TASOR: variants seen among roughly 807,000 people sequenced by gnomAD.
The protein encoded by TASOR is transcription activation suppressor, also known as protein TASOR.
Under a neutral mutation model 178.6 loss-of-function variants are expected in TASOR, and 53 were observed. The observed-to-expected ratio is 0.30, with a 90% CI of 0.24 to 0.37. TASOR has a LOEUF of 0.37. TASOR is among the 10% of genes least tolerant of loss of function. The pLI is 1.00. For synonymous variants in TASOR, 713 were observed against 696.2 expected, an observed-to-expected ratio of 1.02 and a Z score of -0.38; for missense variants, 1,815 against 1,971.4, an observed-to-expected ratio of 0.92 and a Z score of 1.50.
intron 17 of TASOR, 117 bp downstream of exon 17, chr3:56,638,589 A>G: frequency 1.1e-6 from 1 of 943,038 alleles, no homozygotes; most frequent in East Asian, 2.5e-5. Context: ...GGTACTGTCC[A>G]AATTTTCTGT....
At position 56,633,459 on chromosome 3, in the gene TASOR, A is replaced by C; in HGVS notation, c.3332T>G (p.Ile1111Arg). Residue 1111 changes from isoleucine to arginine, a missense_variant, in exon 18 of 24, where the codon ATA becomes AGA. Physicochemically the swap from Ile to Arg is moderately conservative, Grantham distance 97. Coordinates refer to ENST00000683822, the MANE Select transcript of TASOR (RefSeq NM_001365635.2). ...ATGCCTTTCCAGAGGATTCGATGCT[A>C]TCTTAGCACCAGAATCGTTAGGACT... ...PVSPNDSGAK[I>R]ASNPLERHVI... 6.2e-7 allele frequency: 1 copy of C among 1,614,186 alleles called. No individual in the cohort carries two copies. The highest frequency in any genetic ancestry group is 8.5e-7 in the Non-Finnish European group (1 of 1,180,022).
At position 56,641,772 on chromosome 3, in the gene TASOR, T is replaced by G; in HGVS notation, c.2216-20A>C. On this transcript the variant is annotated intron_variant, in intron 14 of 23. Transcript: ENST00000683822. ...GAGACTCTGAGAAAAAGGAAGTCATTGGTTGAAGTTAAGTTTAAAAGCAAG... is the reference window on the plus strand; with the variant it reads ...GAGACTCTGAGAAAAAGGAAGTCATGGGTTGAAGTTAAGTTTAAAAGCAAG... 6.4e-7 allele frequency: 1 copy of G among 1,572,458 alleles called. No homozygotes were observed. The highest frequency in any genetic ancestry group is 8.6e-7 in the Non-Finnish European group (1 of 1,158,272).
Position 56,627,621 on chromosome 3 carries a change from A to G in TASOR, c.3991T>C (p.Ser1331Pro), listed in dbSNP as rs1211365635. Residue 1331 changes from serine to proline, a missense_variant, in exon 20 of 24, where the codon TCT becomes CCT. Ser to Pro is a moderately conservative substitution (Grantham distance 74). This residue lies in a region of TASOR where 134 missense variants were observed against 195.2 expected (regional missense o/e 0.69). Transcript: ENST00000683822. Reference protein sequence around the residue: ...ELFVSGGFIVSDESILNPEVV... With the variant: ...ELFVSGGFIVPDESILNPEVV... The stretch of plus-strand genomic sequence containing the variant: ...TCTGGGTTTAGAATTGATTCATCAG[A>G]TACGATAAAACCTCCAGATACAAAT... 6 of 1,614,012 alleles carry G rather than the reference A, an allele frequency of 3.7e-6. No individual in the cohort carries two copies. In the Admixed American group the frequency reaches 5.0e-5, roughly 13 times the overall value.
chr3:56,645,577 T>C (rs17288866), intron 14 of TASOR, among the ~76,000 whole-genome samples: 7,470 of 152,274 alleles, frequency 0.049, 192 homozygotes, highest in East Asian at 0.091. Flanking sequence ...TGTGAAGATC[T>C]TAAAAATCTA....
chr3:56,630,861 T>C (rs925554397), intron 18 of TASOR, among the ~76,000 whole-genome samples: 3 of 144,324 alleles, frequency 2.1e-5, no homozygotes, highest in Middle Eastern at 7.6e-3. Context: ...ATAAATAAAT[T>C]TTTTAAAATG....
chr3:56,683,058 G>T lies in TASOR; in HGVS notation c.-52C>A, dbSNP rs1457048650. ...GCTTCTGCCCACAAGGTCGACGGGTGTGGGGGGAAGGGGCGGCGGGCCAGT... is the reference window on the plus strand; with the variant it reads ...GCTTCTGCCCACAAGGTCGACGGGTTTGGGGGGAAGGGGCGGCGGGCCAGT... On this transcript the variant is annotated 5_prime_UTR_variant, in exon 1 of 24. Transcript: ENST00000683822. 1 of 1,446,208 alleles carries T rather than the reference G, an allele frequency of 6.9e-7. No homozygotes were observed. Among genetic ancestry groups the T allele is most frequent in the Non-Finnish European group, 9.1e-7 (1 of 1,097,084 alleles). 89.6% of individuals were successfully genotyped at this position (1,446,208 alleles called of 1,614,324 possible). A position where few individuals can be genotyped will look rare whatever the true frequency, so the allele number is the denominator to read the frequency against.
intron 1 of TASOR, 85 bp downstream of exon 1, chr3:56,682,591 G>A: frequency 2.5e-6 from 3 of 1,182,818 alleles, no homozygotes; most frequent in Middle Eastern, 2.4e-4. Flanking sequence ...TATCTCGGAT[G>A]GGTGTGGGAA....
At chr3:56,626,130 A>G (rs1426846464) in intron 21 of TASOR, among the ~76,000 whole-genome samples, 2 of 152,220 alleles carry the variant, frequency 1.3e-5, no homozygotes. Flanking sequence ...TCTTTTAACT[A>G]GAGTTCTTCA....
rs1038309649 is a variant in TASOR, at chr3:56,620,625, C to G, written c.*2412G>C. On this transcript the variant is annotated 3_prime_UTR_variant, in exon 24 of 24. Coordinates refer to ENST00000683822, the MANE Select transcript of TASOR (RefSeq NM_001365635.2). ...CTACAGAACTAGAAAATTGTCCCCC[C>G]ACTTTGGTCTATTTACTCATTTGAA... is the stretch of plus-strand genomic sequence containing the variant. The G allele has an allele frequency of 2.0e-5, 3 of 152,204 alleles. No homozygotes were observed. Among genetic ancestry groups the G allele is most frequent in the Non-Finnish European group, 2.9e-5 (2 of 68,042 alleles). 9.4% of individuals were successfully genotyped at this position (152,204 alleles called of 1,614,324 possible). A position where few individuals can be genotyped will look rare whatever the true frequency, so the allele number is the denominator to read the frequency against.
intron 13 of TASOR, 29 bp from the exon 14 acceptor site, chr3:56,647,252 C>A (rs1026899393): frequency 6.7e-7 from 1 of 1,488,972 alleles, no homozygotes; most frequent in East Asian, 2.3e-5. Context: ...AACAAAAAAG[C>A]AAACCATGTT....
chr3:56,672,041 C>T (rs2030789106), intron 2 of TASOR, among the ~76,000 whole-genome samples: 1 of 152,118 alleles, frequency 6.6e-6, no homozygotes, highest in Non-Finnish European at 1.5e-5. Flanking sequence ...AATAAATCTG[C>T]TGAATGACCA....
Position 56,621,976 on chromosome 3 carries a change from A to G in TASOR, c.*1061T>C, listed in dbSNP as rs2076685601. The G allele has an allele frequency of 6.4e-6, 1 of 156,100 alleles. No homozygotes were observed. Among genetic ancestry groups the G allele is most frequent in the South Asian group, 1.9e-4 (1 of 5,134 alleles). 9.7% of individuals were successfully genotyped at this position (156,100 alleles called of 1,614,324 possible). On this transcript the variant is annotated 3_prime_UTR_variant, in exon 24 of 24. Coordinates refer to ENST00000683822, the MANE Select transcript of TASOR (RefSeq NM_001365635.2). ...TATGTAACTTAGGAACTGAAATACC[A>G]CTCATGCATTTGTTCTAAAGTGCCA...
chr3:56,621,462 C>A lies in TASOR; in HGVS notation c.*1575G>T. ...ATATGTTTTCCAAGTGAATATAATT[C>A]TAGTTTAACACAACATTGCAAGTCA... On this transcript the variant is annotated 3_prime_UTR_variant, in exon 24 of 24. Transcript: ENST00000683822. 1 of 1,025,412 alleles carries A rather than the reference C, an allele frequency of 9.8e-7. No homozygotes were observed. The highest frequency in any genetic ancestry group is 1.6e-5 in the African/African-American group (1 of 61,648). The allele number at this position is 1,025,412 out of a possible 1,614,324, so 63.5% of individuals were successfully genotyped here. A position where few individuals can be genotyped will look rare whatever the true frequency, so the allele number is the denominator to read the frequency against.
chr3:56,668,451 CTTT>C lies in TASOR; in HGVS notation c.840_842del (p.Lys281del). On this transcript the variant is annotated inframe_deletion, in exon 6 of 24. Transcript: ENST00000683822. The stretch of plus-strand genomic sequence containing the variant: ...AAAGTGATGTAATTCGATTGGCATT[CTTT>C]GACACGTGACATTCATGCTTTGGTG... The C allele has an allele frequency of 6.4e-7, 1 of 1,551,666 alleles. No individual in the cohort carries two copies. Among genetic ancestry groups the C allele is most frequent in the Non-Finnish European group, 8.7e-7 (1 of 1,146,986 alleles).
intron 16 of TASOR, 61 bp from the exon 17 acceptor site, chr3:56,638,826 T>C: frequency 1.1e-5 from 16 of 1,489,608 alleles, no homozygotes; most frequent in Non-Finnish European, 1.5e-5. Flanking sequence ...CTAAGCACCT[T>C]TCAGACAACC....
rs960046458 is a variant in TASOR at position 56,622,727 on chromosome 3, T to C, written c.*310A>G. On this transcript the variant is annotated 3_prime_UTR_variant, in exon 24 of 24. Transcript: ENST00000683822. Reference sequence around the variant, plus strand: ...ACATTAGAGAAAAAGAAGTAAAGCCTTTGCTGTTTACCGTCCTCCTGCAAG... The same window carrying C: ...ACATTAGAGAAAAAGAAGTAAAGCCCTTGCTGTTTACCGTCCTCCTGCAAG... The C allele has an allele frequency of 1.1e-5, 2 of 185,630 alleles. No individual in the cohort carries two copies. The highest frequency in any genetic ancestry group is 6.1e-5 in the Admixed American group (1 of 16,412). 11.5% of individuals were successfully genotyped at this position (185,630 alleles called of 1,614,324 possible). A position where few individuals can be genotyped will look rare whatever the true frequency, so the allele number is the denominator to read the frequency against.
At chr3:56,665,200 C>T (rs772529782) in intron 7 of TASOR, among the ~76,000 whole-genome samples, 23 of 152,126 alleles carry the variant, frequency 1.5e-4, no homozygotes, top group Non-Finnish European at 7.4e-5. Context: ...GTCCTCAACA[C>T]TGGCTGAAAA....
chr3:56,633,158 C>A lies in TASOR; in HGVS notation c.3633G>T (p.Gln1211His). ...AQPALSNFIS[Q>H]LEPEVFNSLV... ...AACTATTAAATACTTCAGGTTCTAA[C>A]TGGCTTATAAAATTTGAAAGAGCTG... Residue 1211 changes from glutamine to histidine, a missense_variant, in exon 18 of 24, where the codon CAG becomes CAT. Coordinates refer to ENST00000683822, the MANE Select transcript of TASOR (RefSeq NM_001365635.2). The A allele has an allele frequency of 6.2e-7, 1 of 1,614,166 alleles. No individual in the cohort carries two copies. Among genetic ancestry groups the A allele is most frequent in the South Asian group, 1.1e-5 (1 of 91,076 alleles).
intron 1 of TASOR, among the ~76,000 whole-genome samples, chr3:56,679,337 G>A (rs2031595852): frequency 6.6e-6 from 1 of 152,138 alleles, no homozygotes; most frequent in African/African-American, 2.4e-5. Context: ...TGAATATGCT[G>A]GCAGGAATCA....
Sources: gnomAD v4.1 joint callset for allele counts (sites outside exome capture counted in the v4.1 genomes callset) on GRCh38, gnomAD v4.1.1 for gene constraint, gnomAD v4.1.1 regional missense constraint, MANE v1.5 for transcripts, NCBI Gene and HGNC (gene_info 2026-07-23, HGNC 2026-07-21) for gene names.